The following FHIT variants were observed in gnomAD, a reference collection of about 807,000 sequenced individuals.
FHIT encodes bis(5'-adenosyl)-triphosphatase.
FHIT carries 19 observed loss-of-function variants against 17.9 expected under a neutral mutation model. The ratio of observed to expected loss-of-function variants is 1.06; its 90% CI spans 0.74 to 1.56. FHIT has a LOEUF of 1.56. Ranked by LOEUF, FHIT falls within the 40% of genes most tolerant of loss-of-function variation. FHIT has a pLI of 0.00. For missense variants in FHIT, 248 were observed against 189.2 expected (o/e 1.31, Z -1.82); for synonymous variants, 81 against 69.7 (o/e 1.16, Z -0.81).
chr3:59,975,193 G>A (rs1708355442), intron 7 of FHIT, among the ~76,000 whole-genome samples: 1 of 152,088 alleles, frequency 6.6e-6, no homozygotes. Flanking sequence ...CTTGGCATTT[G>A]CTAGGCACTG....
intron 5 of FHIT, among the ~76,000 whole-genome samples, chr3:60,066,913 G>A (rs1381365269): frequency 6.6e-6 from 1 of 151,882 alleles, no homozygotes; most frequent in Non-Finnish European, 1.5e-5. Context: ...CAAAGTGCTG[G>A]GATTACAGGC....
chr3:60,140,695 C>A (rs925632368), intron 5 of FHIT, among the ~76,000 whole-genome samples: 1 of 151,744 alleles, frequency 6.6e-6, no homozygotes, highest in African/African-American at 2.4e-5. Flanking sequence ...TCTCCTGCCT[C>A]AGCCTCCCAA....
At chr3:59,874,148 A>AC (rs992007188) in intron 8 of FHIT, among the ~76,000 whole-genome samples, 2 of 152,176 alleles carry the variant, frequency 1.3e-5, no homozygotes, top group Non-Finnish European at 2.9e-5. Flanking sequence ...TTTCTCAAAA[A>AC]GTTTCATGTT....
intron 5 of FHIT, among the ~76,000 whole-genome samples, chr3:60,302,973 A>C (rs1344170255): frequency 6.6e-6 from 1 of 152,320 alleles, no homozygotes; most frequent in South Asian, 2.1e-4. Flanking sequence ...TTTGTTAATA[A>C]GTTTCTCCCC....
At chr3:60,726,110 T>C (rs181646079) in intron 4 of FHIT, among the ~76,000 whole-genome samples, 1 of 152,258 alleles carries the variant, frequency 6.6e-6, no homozygotes, top group African/African-American at 2.4e-5. Context: ...CTAGCACTGG[T>C]AGATGACATT....
At chr3:60,939,629 A>G (rs1373261678) in intron 3 of FHIT, among the ~76,000 whole-genome samples, 1 of 152,202 alleles carries the variant, frequency 6.6e-6, no homozygotes, top group Non-Finnish European at 1.5e-5. Context: ...TATCATTAGA[A>G]TAGTATTAAA....
chr3:60,469,084 G>A (rs559112820), intron 5 of FHIT, among the ~76,000 whole-genome samples: 32 of 152,068 alleles, frequency 2.1e-4, no homozygotes, highest in African/African-American at 6.5e-4. Context: ...GCTGCTTTTA[G>A]GATCCTTTCT....
chr3:60,789,082 G>T (rs9866819), intron 4 of FHIT, among the ~76,000 whole-genome samples: 16,300 of 149,992 alleles, frequency 0.11, 1,243 homozygotes, highest in African/African-American at 0.21. Context: ...TACATATATA[G>T]AGAGAGAGAT....
intron 9 of FHIT, chr3:59,751,596 A>G (rs1700906263): frequency 4.5e-6 from 1 of 220,658 alleles, no homozygotes; most frequent in Non-Finnish European, 9.1e-6. Flanking sequence ...TCTTTCTACC[A>G]GAGTCTTAAA....
At chr3:61,066,877 T>C (rs1436959737) in intron 2 of FHIT, among the ~76,000 whole-genome samples, 2 of 152,202 alleles carry the variant, frequency 1.3e-5, no homozygotes, top group Non-Finnish European at 2.9e-5. Flanking sequence ...ACAGCATGTG[T>C]TATCAACACC....
intron 3 of FHIT, among the ~76,000 whole-genome samples, chr3:60,887,691 A>C (rs1294848098): frequency 6.6e-6 from 1 of 152,180 alleles, no homozygotes; most frequent in Non-Finnish European, 1.5e-5. Context: ...TGAAATTTTA[A>C]GCTCCCTTTT....
At chr3:59,983,084 A>G (rs992368947) in intron 7 of FHIT, among the ~76,000 whole-genome samples, 2 of 151,882 alleles carry the variant, frequency 1.3e-5, no homozygotes, top group African/African-American at 4.8e-5. Context: ...GACTAGAGGC[A>G]TGTGCCACCA....
chr3:60,386,535 C>T (rs1179770383), intron 5 of FHIT, among the ~76,000 whole-genome samples: 2 of 152,170 alleles, frequency 1.3e-5, no homozygotes, highest in East Asian at 3.9e-4. Flanking sequence ...TGACTGCTCT[C>T]ATATATACCC....
rs530494651 is a variant in FHIT at position 60,190,145 on chromosome 3, A to G, written c.104-175993T>C. Among the ~76,000 whole-genome samples, 197 of 152,300 alleles carry G rather than the reference A, an allele frequency of 1.3e-3. 1 individual carries two copies. Among genetic ancestry groups the G allele is most frequent in the Non-Finnish European group, 1.8e-3 (122 of 68,016 alleles). On this transcript the variant is annotated intron_variant, in intron 5 of 9. Coordinates refer to ENST00000492590, the MANE Select transcript of FHIT (RefSeq NM_002012.4). ...ACCAGTTAAAATACCACAATCTTAA[A>G]CAGACCTGCAAACAACATTTGGAAA...
intron 5 of FHIT, among the ~76,000 whole-genome samples, chr3:60,184,784 A>G (rs928717291): frequency 6.6e-6 from 1 of 151,874 alleles, no homozygotes; most frequent in African/African-American, 2.4e-5. Flanking sequence ...AGATTTTTCA[A>G]TTCTACCTCA....
At position 60,525,297 on chromosome 3, in the gene FHIT, G is replaced by C. The variant is rs542461497; in HGVS notation, c.103+11563C>G. Among the ~76,000 whole-genome samples the C allele has an allele frequency of 3.1e-4, 47 of 152,242 alleles. 1 individual carries two copies. In the South Asian group the frequency reaches 9.5e-3, roughly 31 times the overall value. On this transcript the variant is annotated intron_variant, in intron 5 of 9. Transcript: ENST00000492590. Reference sequence around the variant, plus strand: ...TTCAGAAAATATTTAATAATTAAAAGAATATTCCTCTACCTAACCATCCTG... The same window carrying C: ...TTCAGAAAATATTTAATAATTAAAACAATATTCCTCTACCTAACCATCCTG...
At chr3:59,795,818 A>T (rs1286673748) in intron 8 of FHIT, among the ~76,000 whole-genome samples, 1 of 152,204 alleles carries the variant, frequency 6.6e-6, no homozygotes, top group African/African-American at 2.4e-5. Context: ...GCTCCATCGG[A>T]TTGGAAAAAG....
intron 5 of FHIT, among the ~76,000 whole-genome samples, chr3:60,231,788 T>C (rs951235459): frequency 2.6e-5 from 4 of 152,236 alleles, no homozygotes; most frequent in Admixed American, 6.5e-5. Flanking sequence ...TTCCCACTTA[T>C]TCAGTTACAT....
Position 60,512,773 on chromosome 3 carries a change from A to C in FHIT, c.103+24087T>G, listed in dbSNP as rs1209395091. Reference sequence around the variant, plus strand: ...TCAGGAGAAAACAATGAGATGGATCAAGATAGTAGGCTGTTGCATGGGCCA... The same window carrying C: ...TCAGGAGAAAACAATGAGATGGATCCAGATAGTAGGCTGTTGCATGGGCCA... On this transcript the variant is annotated intron_variant, in intron 5 of 9. Coordinates refer to ENST00000492590, the MANE Select transcript of FHIT (RefSeq NM_002012.4). Among the ~76,000 whole-genome samples the C allele has an allele frequency of 2.6e-5, 4 of 152,220 alleles. No homozygotes were observed. The East Asian group carries it at 7.7e-4, about 29-fold the overall frequency.
Sources: allele counts gnomAD v4.1 joint callset (sites outside exome capture counted in the v4.1 genomes callset), GRCh38; gene constraint gnomAD v4.1.1; transcripts MANE v1.5; gene names NCBI Gene and HGNC (gene_info 2026-07-23, HGNC 2026-07-21).